The following SAMTOR variants were observed in gnomAD, a reference collection of about 807,000 sequenced individuals.
SAMTOR encodes UPF0532 protein C7orf60.
the SAMTOR span, among the ~76,000 whole-genome samples, chr7:112,863,144 A>G: frequency 6.6e-6 from 1 of 152,202 alleles, no homozygotes; most frequent in Non-Finnish European, 1.5e-5. Context: ...ACCTACAAGC[A>G]TCTGATCTTC....
chr7:112,904,941 C>T, the SAMTOR span, among the ~76,000 whole-genome samples: 1 of 152,120 alleles, frequency 6.6e-6, no homozygotes, highest in African/African-American at 2.4e-5. Context: ...GAGACTGCCC[C>T]TCTCAGGACC....
At chr7:112,922,002 C>T in the SAMTOR span, among the ~76,000 whole-genome samples, 1 of 152,008 alleles carries the variant, frequency 6.6e-6, no homozygotes. Context: ...CCCTCTGATG[C>T]CGAGCCGAAG....
chr7:112,902,470 T>C, the SAMTOR span, among the ~76,000 whole-genome samples: 1 of 105,072 alleles, frequency 9.5e-6, no homozygotes, highest in Non-Finnish European at 2.0e-5. Context: ...ACCAAAAAAG[T>C]TGGTGGTTGC....
the SAMTOR span, among the ~76,000 whole-genome samples, chr7:112,881,117 A>G: frequency 2.6e-5 from 4 of 152,312 alleles, no homozygotes; most frequent in African/African-American, 9.6e-5. Context: ...CTCCAATTTC[A>G]GAGCAAAGTT....
At chr7:112,889,099 A>G in the SAMTOR span, among the ~76,000 whole-genome samples, 1 of 152,214 alleles carries the variant, frequency 6.6e-6, no homozygotes, top group Non-Finnish European at 1.5e-5. Context: ...GACTAGAAAG[A>G]AGTGTACCTA....
At chr7:112,935,051 C>T in the SAMTOR span, 2 of 240,836 alleles carry the variant, frequency 8.3e-6, no homozygotes, top group African/African-American at 2.3e-5. Flanking sequence ...CTAGTGCAAA[C>T]TTAACAGGAC....
chr7:112,890,600 G>A, the SAMTOR span, among the ~76,000 whole-genome samples: 1 of 151,196 alleles, frequency 6.6e-6, no homozygotes, highest in African/African-American at 2.4e-5. Context: ...CCAAATGTTG[G>A]GTTAAACAGA....
the SAMTOR span, among the ~76,000 whole-genome samples, chr7:112,901,530 TAATAGA>T: frequency 2.0e-5 from 3 of 152,290 alleles, no homozygotes; most frequent in East Asian, 5.8e-4. Flanking sequence ...AATGTACTAA[TAATAGA>T]AATAAAGTGC....
At chr7:112,924,392 A>C in the SAMTOR span, among the ~76,000 whole-genome samples, 43 of 152,254 alleles carry the variant, frequency 2.8e-4, 2 homozygotes, top group South Asian at 7.3e-3. Context: ...CATTAATCCC[A>C]GTTACTGGGT....
chr7:112,849,517 G>A, the SAMTOR span, among the ~76,000 whole-genome samples: 30 of 152,140 alleles, frequency 2.0e-4, no homozygotes, highest in Non-Finnish European at 4.0e-4. Context: ...GGACTCTTTA[G>A]GGTTTTCTAG....
the SAMTOR span, among the ~76,000 whole-genome samples, chr7:112,898,882 T>A: frequency 6.6e-6 from 1 of 152,232 alleles, no homozygotes; most frequent in South Asian, 2.1e-4. Context: ...TAGAGTGCCC[T>A]CTAGTGCTGA....
At chr7:112,939,683 G>A in the SAMTOR span, 2 of 1,612,964 alleles carry the variant, frequency 1.2e-6, no homozygotes, top group Non-Finnish European at 1.7e-6. Context: ...CTCCCGGGGC[G>A]GCGGAGTGTT....
At chr7:112,868,255 C>T in the SAMTOR span, among the ~76,000 whole-genome samples, 1 of 152,256 alleles carries the variant, frequency 6.6e-6, no homozygotes, top group South Asian at 2.1e-4. Context: ...TTCAGCATTA[C>T]CCATCCACTT....
At chr7:112,832,820 G>A in the SAMTOR span, 530 of 581,112 alleles carry the variant, frequency 9.1e-4, 1 homozygote, top group Non-Finnish European at 1.4e-3. Flanking sequence ...TCATTTCTGT[G>A]AGTTATATCT....
chr7:112,882,604 G>A, the SAMTOR span, among the ~76,000 whole-genome samples: 1 of 151,926 alleles, frequency 6.6e-6, no homozygotes, highest in Non-Finnish European at 1.5e-5. Context: ...CAGGAGAATA[G>A]CCTGAATCAG....
At chr7:112,873,136 A>G in the SAMTOR span, among the ~76,000 whole-genome samples, 17 of 152,284 alleles carry the variant, frequency 1.1e-4, no homozygotes, top group African/African-American at 4.1e-4. Flanking sequence ...AAATGTCCAT[A>G]CTGCCCAAGG....
chr7:112,912,144 G>A, the SAMTOR span, among the ~76,000 whole-genome samples: 1 of 152,036 alleles, frequency 6.6e-6, no homozygotes, highest in East Asian at 1.9e-4. Context: ...TATGATGACG[G>A]TGTTGTGGTT....
chr7:112,822,584 C>T, the SAMTOR span, among the ~76,000 whole-genome samples: 2 of 152,078 alleles, frequency 1.3e-5, no homozygotes, highest in South Asian at 2.1e-4. Context: ...TGCTAATCAT[C>T]ATTTAAATAT....
At chr7:112,932,292 A>C in the SAMTOR span, among the ~76,000 whole-genome samples, 2 of 152,166 alleles carry the variant, frequency 1.3e-5, no homozygotes, top group African/African-American at 4.8e-5. Context: ...CATCCTTATG[A>C]GAACAAATAA....
Sources: gnomAD v4.1 joint callset for allele counts (sites outside exome capture counted in the v4.1 genomes callset) on GRCh38, gnomAD v4.1.1 for gene constraint, MANE v1.5 for transcripts, NCBI Gene and HGNC (gene_info 2026-07-23, HGNC 2026-07-21) for gene names.